Variants in IL12RB2 observed in about 807,000 individuals in gnomAD.
IL12RB2 encodes the protein interleukin-12 receptor subunit beta-2.
A neutral mutation model predicts 89.4 loss-of-function variants in IL12RB2; 82 were observed. That is an observed-to-expected ratio of 0.92 (90% confidence interval 0.77 to 1.10). The LOEUF (loss-of-function observed/expected upper bound fraction) is 1.10. IL12RB2 is among the 50% of genes least tolerant of loss of function. IL12RB2 has a pLI of 0.00. For synonymous variants in IL12RB2, 368 were observed against 370.1 expected, an observed-to-expected ratio of 0.99 and a Z score of 0.07; for missense variants, 963 against 1,031.9, an observed-to-expected ratio of 0.93 and a Z score of 0.92.
chr1:67,346,228 G>T (rs1241811124), intron 9 of IL12RB2, among the ~76,000 whole-genome samples: 1 of 152,138 alleles, frequency 6.6e-6, no homozygotes, highest in East Asian at 1.9e-4. Context: ...ATCACATGAA[G>T]TTGTGAAGAT....
intron 8 of IL12RB2, among the ~76,000 whole-genome samples, chr1:67,334,665 G>C (rs1451940802): frequency 1.3e-5 from 2 of 151,996 alleles, no homozygotes; most frequent in Admixed American, 1.3e-4. Flanking sequence ...ATTTTTAGTA[G>C]AGACAGGGTT....
chr1:67,387,323 C>T (rs1289672773), intron 15 of IL12RB2, among the ~76,000 whole-genome samples: 1 of 151,894 alleles, frequency 6.6e-6, no homozygotes, highest in Non-Finnish European at 1.5e-5. Context: ...ACCTAAACGC[C>T]CAATGATAAG....
At chr1:67,370,189 C>T (rs1166576754) in intron 11 of IL12RB2, among the ~76,000 whole-genome samples, 1 of 151,918 alleles carries the variant, frequency 6.6e-6, no homozygotes, top group Non-Finnish European at 1.5e-5. Flanking sequence ...TCAAAATGGC[C>T]CCCTCTAGTC....
intron 11 of IL12RB2, among the ~76,000 whole-genome samples, chr1:67,372,070 G>GTGTC (rs1234275540): frequency 2.1e-5 from 2 of 95,326 alleles, no homozygotes; most frequent in African/African-American, 5.7e-5. Context: ...CTGGGTGCGT[G>GTGTC]TGTGTGTCTG....
At chr1:67,373,417 T>C (rs1381083455) in intron 13 of IL12RB2, among the ~76,000 whole-genome samples, 7 of 152,258 alleles carry the variant, frequency 4.6e-5, no homozygotes, top group African/African-American at 1.7e-4. Flanking sequence ...GCCAATCCTG[T>C]ATAGGCCTTG....
chr1:67,351,532 T>A (rs1660844646), intron 10 of IL12RB2, among the ~76,000 whole-genome samples: 1 of 152,182 alleles, frequency 6.6e-6, no homozygotes, highest in African/African-American at 2.4e-5. Flanking sequence ...GATGGTGGTG[T>A]GTACCTATGG....
chr1:67,323,342 A>G (rs1656838136), intron 4 of IL12RB2, among the ~76,000 whole-genome samples: 1 of 152,252 alleles, frequency 6.6e-6, no homozygotes, highest in Admixed American at 6.5e-5. Flanking sequence ...GCGGTATAGT[A>G]GAAGTAGCAT....
intron 2 of IL12RB2, among the ~76,000 whole-genome samples, chr1:67,314,302 G>GA (rs1172264206): frequency 1.3e-5 from 2 of 152,232 alleles, no homozygotes; most frequent in African/African-American, 4.8e-5. Flanking sequence ...CTAGTACACT[G>GA]AAAATCATAT....
intron 11 of IL12RB2, among the ~76,000 whole-genome samples, chr1:67,368,243 A>G (rs1408940366): frequency 6.6e-6 from 1 of 152,242 alleles, no homozygotes; most frequent in African/African-American, 2.4e-5. Context: ...TGGAAAATCC[A>G]TATCCCTAGC....
At chr1:67,381,791 A>G (rs530389413) in intron 14 of IL12RB2, among the ~76,000 whole-genome samples, 1 of 149,526 alleles carries the variant, frequency 6.7e-6, no homozygotes, top group Admixed American at 6.7e-5. Context: ...AAAAAGAAAG[A>G]AAGTTAACTT....
At chr1:67,371,615 G>A (rs1281062390) in intron 11 of IL12RB2, among the ~76,000 whole-genome samples, 1 of 152,052 alleles carries the variant, frequency 6.6e-6, no homozygotes, top group South Asian at 2.1e-4. Flanking sequence ...CTATGAAAGG[G>A]GCCTTTTATT....
intron 15 of IL12RB2, 116 bp from the exon 16 acceptor site, chr1:67,389,911 TTA>T (rs1665620039): frequency 1.4e-6 from 1 of 702,784 alleles, no homozygotes; most frequent in Non-Finnish European, 2.6e-6. Context: ...CTTTCAGTGT[TTA>T]TCTTTTATTT....
chr1:67,372,555 C>A (rs1261486730), intron 12 of IL12RB2, 21 bp downstream of exon 12: 1 of 1,603,788 alleles, frequency 6.2e-7, no homozygotes, highest in Non-Finnish European at 8.5e-7. Context: ...GGATCTTTTG[C>A]CAAATTTTGC....
chr1:67,396,384 A>C lies in IL12RB2; in HGVS notation c.*295A>C. The C allele has an allele frequency of 2.0e-6, 1 of 505,938 alleles. No individual in the cohort carries two copies. Among genetic ancestry groups the C allele is most frequent in the African/African-American group, 1.9e-5 (1 of 52,036 alleles). The allele number at this position is 505,938 out of a possible 1,614,324, so 31.3% of individuals were successfully genotyped here. On this transcript the variant is annotated 3_prime_UTR_variant, in exon 17 of 17. Transcript: ENST00000674203. ...CTTGGTATGCTGGCCAGAAAGGGAA[A>C]TGAGGAGGAGAGTAGAAACCACAGC...
At chr1:67,347,703 C>T (rs1013006089) in intron 9 of IL12RB2, among the ~76,000 whole-genome samples, 4 of 152,102 alleles carry the variant, frequency 2.6e-5, no homozygotes, top group African/African-American at 9.7e-5. Context: ...ACTGTGGTTC[C>T]TTTATAGCAT....
intron 10 of IL12RB2, among the ~76,000 whole-genome samples, chr1:67,353,400 CA>C (rs375849734): frequency 0.059 from 8,835 of 150,748 alleles, 288 homozygotes; most frequent in Admixed American, 0.075. Flanking sequence ...GAAAAAGATA[CA>C]AAAAAAAATA....
At chr1:67,319,878 G>T (rs906552193) in intron 2 of IL12RB2, among the ~76,000 whole-genome samples, 2 of 152,152 alleles carry the variant, frequency 1.3e-5, no homozygotes, top group African/African-American at 2.4e-5. Flanking sequence ...TTATAAAAGA[G>T]ATCCCAGAGA....
At chr1:67,395,523 C>T in intron 16 of IL12RB2, 24 bp from the exon 17 acceptor site, 1 of 1,614,162 alleles carries the variant, frequency 6.2e-7, no homozygotes, top group Non-Finnish European at 8.5e-7. Flanking sequence ...GCAGTGTGAG[C>T]CTCTTCCTCC....
chr1:67,313,888 G>C (rs946943938), intron 1 of IL12RB2, 25 bp from the exon 2 acceptor site: 1 of 152,162 alleles, frequency 6.6e-6, no homozygotes, highest in African/African-American at 2.4e-5. Context: ...ATGTGAACTT[G>C]AGCAAGTCCC....
Sources: allele counts gnomAD v4.1 joint callset (sites outside exome capture counted in the v4.1 genomes callset), GRCh38; gene constraint gnomAD v4.1.1; transcripts MANE v1.5; gene names NCBI Gene and HGNC (gene_info 2026-07-23, HGNC 2026-07-21).